Variants in NDEL1 observed in about 807,000 individuals in gnomAD.
NDEL1 encodes nuclear distribution protein nudE-like 1.
A neutral mutation model predicts 45.7 loss-of-function variants in NDEL1; 9 were observed. The observed-to-expected ratio is 0.20, with a 90% CI of 0.12 to 0.34. The LOEUF (loss-of-function observed/expected upper bound fraction) is 0.34, where lower values mean the gene tolerates loss of function less well. NDEL1 is among the 10% of genes least tolerant of loss of function. The pLI is 1.00. For synonymous variants in NDEL1, 133 were observed against 158.6 expected (o/e 0.84, Z 1.21); for missense variants, 306 against 406.2 (o/e 0.75, Z 2.12).
chr17:8,445,312 T>C (rs1428877326), intron 2 of NDEL1, among the ~76,000 whole-genome samples: 1 of 152,222 alleles, frequency 6.6e-6, no homozygotes, highest in Non-Finnish European at 1.5e-5. Flanking sequence ...AAAATAAATA[T>C]ATTTAGAGAT....
At position 8,467,452 on chromosome 17, in the gene NDEL1, C is replaced by T. The variant is rs1183313618; in HGVS notation, c.*429C>T. 5.1e-6 allele frequency: 2 copies of T among 389,434 alleles called. No individual in the cohort carries two copies. Among genetic ancestry groups the T allele is most frequent in the East Asian group, 3.7e-5 (1 of 27,074 alleles). The allele number at this position is 389,434 out of a possible 1,614,324, so 24.1% of individuals were successfully genotyped here. ...CAATGTGTGCCCTCCTGAGCTCCCA[C>T]CCAGGCATCTCCAGTGCTCATGATC... is the stretch of plus-strand genomic sequence containing the variant. On this transcript the variant is annotated 3_prime_UTR_variant, in exon 9 of 9. Transcript: ENST00000334527. This position sits in a 1 kb window ranked among gnomAD's most constrained non-coding sequence, Gnocchi z 6.3.
chr17:8,471,163 T>G (rs1048847724), downstream of NDEL1, among the ~76,000 whole-genome samples: 33 of 152,316 alleles, frequency 2.2e-4, no homozygotes, highest in Middle Eastern at 6.8e-3. Context: ...TGTTGTTGTT[T>G]TTTTGAGACA....
rs146912025 is a variant in NDEL1 at position 8,461,160 on chromosome 17, C to T, written c.944+1000C>T. The T allele has an allele frequency of 1.4e-4, 21 of 152,220 alleles. No individual in the cohort carries two copies. The East Asian group carries it at 1.9e-3, about 14-fold the overall frequency. 9.4% of individuals were successfully genotyped at this position (152,220 alleles called of 1,614,324 possible). ...AGCAGAGCAGGTACAACTCTAGAAACGCTCACAATCTCTGAAAGCAGCTGG... is the reference window on the plus strand; with the variant it reads ...AGCAGAGCAGGTACAACTCTAGAAATGCTCACAATCTCTGAAAGCAGCTGG... On this transcript the variant is annotated intron_variant, in intron 8 of 8. Coordinates refer to ENST00000334527, the MANE Select transcript of NDEL1 (RefSeq NM_030808.5).
intron 1 of NDEL1, among the ~76,000 whole-genome samples, chr17:8,419,367 C>T (rs1282868232): frequency 1.3e-5 from 2 of 152,108 alleles, no homozygotes; most frequent in Non-Finnish European, 2.9e-5. Context: ...CAGTCTAATA[C>T]ATATAAATAT....
intron 1 of NDEL1, among the ~76,000 whole-genome samples, chr17:8,428,248 A>AG (rs1908887634): frequency 6.6e-6 from 1 of 151,962 alleles, no homozygotes; most frequent in Admixed American, 6.6e-5. Context: ...AGCAGGCACT[A>AG]AACTCCTTGC....
intron 1 of NDEL1, among the ~76,000 whole-genome samples, chr17:8,441,749 A>G (rs1909749821): frequency 6.6e-6 from 1 of 151,978 alleles, no homozygotes; most frequent in South Asian, 2.1e-4. Context: ...GAAGCATTCT[A>G]TGGGCCTGAT....
Position 8,459,353 on chromosome 17 carries a change from G to A in NDEL1, c.793-656G>A, listed in dbSNP as rs956235178. ...GTTGGTAGAGCCCTGTGCTTGCCAGGTGTTGTGGTGACAGGTGCAAAACAA... is the reference window on the plus strand; with the variant it reads ...GTTGGTAGAGCCCTGTGCTTGCCAGATGTTGTGGTGACAGGTGCAAAACAA... On this transcript the variant is annotated intron_variant, in intron 7 of 8. Transcript: ENST00000334527. Among the ~76,000 whole-genome samples, 8 of 152,140 alleles carry A rather than the reference G, an allele frequency of 5.3e-5. No homozygotes were observed. In the South Asian group the frequency reaches 1.2e-3, roughly 24 times the overall value.
intron 1 of NDEL1, among the ~76,000 whole-genome samples, chr17:8,422,024 C>T (rs1371237042): frequency 1.3e-5 from 2 of 152,106 alleles, no homozygotes; most frequent in Non-Finnish European, 2.9e-5. Flanking sequence ...GCTGGGATGG[C>T]GCTGATTTGG....
At chr17:8,443,440 GAGT>G (rs1489267649) in intron 1 of NDEL1, among the ~76,000 whole-genome samples, 1 of 152,118 alleles carries the variant, frequency 6.6e-6, no homozygotes, top group East Asian at 1.9e-4. Flanking sequence ...AGAAAACCTG[GAGT>G]AGTTTTCCAT....
intron 6 of NDEL1, among the ~76,000 whole-genome samples, chr17:8,453,650 A>C (rs534013642): frequency 1.3e-5 from 2 of 152,300 alleles, no homozygotes; most frequent in African/African-American, 4.8e-5. Context: ...GAATGGGAAG[A>C]CTTAATTTTC....
downstream of NDEL1, among the ~76,000 whole-genome samples, chr17:8,469,478 G>T (rs1911780554): frequency 6.6e-6 from 1 of 152,160 alleles, no homozygotes; most frequent in African/African-American, 2.4e-5. Context: ...TCACTCAGTT[G>T]ATAGCTGGAG....
At chr17:8,442,846 G>A (rs1007133281) in intron 1 of NDEL1, among the ~76,000 whole-genome samples, 10 of 139,088 alleles carry the variant, frequency 7.2e-5, no homozygotes, top group Admixed American at 1.6e-4. Flanking sequence ...CTGGAGTGCA[G>A]TGGCGCAATC....
At chr17:8,435,483 C>T (rs1165687541), upstream of NDEL1, among the ~76,000 whole-genome samples, 2 of 152,188 alleles carry the variant, frequency 1.3e-5, no homozygotes, top group African/African-American at 4.8e-5. Flanking sequence ...TTAGAATGCT[C>T]CTGATGTTCC....
chr17:8,430,805 C>T lies in NDEL1; in HGVS notation c.-12-13455C>T, dbSNP rs545047086. ...CCCTTTCGGGGCTGATTTCCATCTT[C>T]CTTTCCACTTTATTTTTTCTGGATT... On this transcript the variant is annotated intron_variant, in intron 1 of 4. Transcript: ENST00000582812. Among the ~76,000 whole-genome samples the T allele has an allele frequency of 7.9e-5, 12 of 152,324 alleles. No individual in the cohort carries two copies. In the South Asian group the frequency reaches 2.3e-3, roughly 29 times the overall value.
rs780119020 is a variant in NDEL1 at position 8,453,863 on chromosome 17, A to G, written c.701-933A>G. ...TCTCAAAATATATTTTAACATTATA[A>G]TAAAGTAGCATACTTCTGATAGAAT... On this transcript the variant is annotated intron_variant, in intron 6 of 8. Coordinates refer to ENST00000334527, the MANE Select transcript of NDEL1 (RefSeq NM_030808.5). Among the ~76,000 whole-genome samples, 13 of 152,190 alleles carry G rather than the reference A, an allele frequency of 8.5e-5. 1 individual carries two copies. Among genetic ancestry groups the G allele is most frequent in the Non-Finnish European group, 1.5e-4 (10 of 68,026 alleles).
At position 8,465,352 on chromosome 17, in the gene NDEL1, G is replaced by A. The variant is rs1597562401; in HGVS notation, c.945-1578G>A. On this transcript the variant is annotated intron_variant, in intron 8 of 8. Transcript: ENST00000334527. This position sits in a 1 kb window ranked among gnomAD's most constrained non-coding sequence, Gnocchi z 4.9. ...TCAAAAATCAGACCTAACCCAGTGA[G>A]GAAAGAGACAATCTGGCTGTTTGTC... The A allele has an allele frequency of 6.6e-6, 1 of 152,256 alleles. No individual in the cohort carries two copies. Among genetic ancestry groups the A allele is most frequent in the African/African-American group, 2.4e-5 (1 of 41,468 alleles). 9.4% of individuals were successfully genotyped at this position (152,256 alleles called of 1,614,324 possible). A position where few individuals can be genotyped will look rare whatever the true frequency, so the allele number is the denominator to read the frequency against.
At chr17:8,433,086 G>T (rs1322739457), upstream of NDEL1, among the ~76,000 whole-genome samples, 2 of 150,614 alleles carry the variant, frequency 1.3e-5, no homozygotes, top group African/African-American at 4.9e-5. Context: ...TTTCATTCTT[G>T]GTTACAATTC....
At chr17:8,441,261 A>G (rs940637038) in intron 1 of NDEL1, among the ~76,000 whole-genome samples, 8 of 152,252 alleles carry the variant, frequency 5.3e-5, no homozygotes, top group South Asian at 2.1e-4. Context: ...CTGCCAAATC[A>G]TTATAGGCTA....
intron 1 of NDEL1, among the ~76,000 whole-genome samples, chr17:8,416,134 ACTT>A (rs1168684399): frequency 6.6e-6 from 1 of 152,102 alleles, no homozygotes; most frequent in African/African-American, 2.4e-5. Flanking sequence ...CATCTCCAGA[ACTT>A]CTTCATCTTC....
Sources: gnomAD v4.1 joint callset for allele counts (sites outside exome capture counted in the v4.1 genomes callset) on GRCh38, gnomAD v4.1.1 for gene constraint, Gnocchi (gnomAD v3.1) non-coding constraint, MANE v1.5 for transcripts, NCBI Gene and HGNC (gene_info 2026-07-23, HGNC 2026-07-21) for gene names.